Variants in CBFA2T2 observed in about 807,000 individuals in gnomAD.
The protein encoded by CBFA2T2 is CBFA2/RUNX1 partner transcriptional co-repressor 2, also known as protein CBFA2T2.
In CBFA2T2, 11 loss-of-function variants were observed where a neutral mutation model predicts 62.2. The ratio of observed to expected loss-of-function variants is 0.18; its 90% confidence interval spans 0.11 to 0.29. CBFA2T2 has a LOEUF of 0.29. Among genes scored for constraint, CBFA2T2 ranks in the 10% least tolerant of loss-of-function variants. The probability of loss-of-function intolerance (pLI) is 1.00; values close to 1 mark genes in which losing one functional copy is unlikely to be tolerated. For synonymous variants in CBFA2T2, 295 were observed against 287.5 expected (o/e 1.03, Z -0.27); for missense variants, 592 against 774.1 (o/e 0.76, Z 2.79).
intron 10 of CBFA2T2, among the ~76,000 whole-genome samples, chr20:33,642,115 TTTG>T (rs1483858836): frequency 1.1e-3 from 42 of 36,618 alleles, no homozygotes; most frequent in East Asian, 2.3e-3. Flanking sequence ...CTTTTTTTTT[TTTG>T]TGTGTGTGTG....
intron 1 of CBFA2T2, among the ~76,000 whole-genome samples, chr20:33,599,234 C>G (rs1424927238): frequency 6.6e-6 from 1 of 151,340 alleles, no homozygotes. Context: ...TGCAATACAG[C>G]CTGGGCGACA....
At chr20:33,573,426 A>G (rs1412224547) in intron 1 of CBFA2T2, among the ~76,000 whole-genome samples, 1 of 152,088 alleles carries the variant, frequency 6.6e-6, no homozygotes, top group Non-Finnish European at 1.5e-5. Context: ...GTAAGTGTTC[A>G]GTACTGTATG....
At chr20:33,564,282 G>A (rs949051202) in intron 1 of CBFA2T2, among the ~76,000 whole-genome samples, 6 of 142,362 alleles carry the variant, frequency 4.2e-5, no homozygotes, top group South Asian at 2.2e-4. Context: ...TTTTTTTTCC[G>A]AGATGGAGTC....
chr20:33,635,683 CCTGAGATAGTGAAACCCTGT>C (rs1355416269), intron 8 of CBFA2T2, among the ~76,000 whole-genome samples: 1 of 152,020 alleles, frequency 6.6e-6, no homozygotes, highest in East Asian at 1.9e-4. Context: ...GTCTGGAAAC[CCTGAGATAGTGAAACCCTGT>C]CTGTGCAAAA....
At chr20:33,523,697 T>G (rs1443884235) in intron 1 of CBFA2T2, among the ~76,000 whole-genome samples, 1 of 151,934 alleles carries the variant, frequency 6.6e-6, no homozygotes, top group East Asian at 1.9e-4. Context: ...TTTGTTTTCT[T>G]TTTTTCCCAG....
intron 1 of CBFA2T2, among the ~76,000 whole-genome samples, chr20:33,535,178 A>C (rs1174861538): frequency 6.6e-6 from 1 of 152,256 alleles, no homozygotes; most frequent in Non-Finnish European, 1.5e-5. Flanking sequence ...CTTTCTGAGA[A>C]TCTTGTCTAC....
intron 1 of CBFA2T2, among the ~76,000 whole-genome samples, chr20:33,500,487 A>G (rs1338216490): frequency 2.6e-5 from 4 of 151,918 alleles, no homozygotes; most frequent in Admixed American, 2.0e-4. Flanking sequence ...AGGCTGATGG[A>G]TCAGCTGAGG....
At chr20:33,516,753 T>C (rs1264301577) in intron 1 of CBFA2T2, among the ~76,000 whole-genome samples, 2 of 152,252 alleles carry the variant, frequency 1.3e-5, no homozygotes, top group African/African-American at 2.4e-5. Flanking sequence ...TATACACATC[T>C]GTAATACTCA....
At chr20:33,613,953 G>A (rs144712379) in intron 3 of CBFA2T2, among the ~76,000 whole-genome samples, 2 of 151,912 alleles carry the variant, frequency 1.3e-5, no homozygotes, top group South Asian at 2.1e-4. Context: ...ATTCATTTGC[G>A]GCGGGCGGAT....
chr20:33,513,816 G>GAAAA (rs11481160), intron 1 of CBFA2T2, among the ~76,000 whole-genome samples: 7 of 111,422 alleles, frequency 6.3e-5, no homozygotes, highest in Non-Finnish European at 1.2e-4. Context: ...TCTGTCCCAG[G>GAAAA]AAAAAAAAAA....
chr20:33,633,370 C>CA (rs200773570), intron 8 of CBFA2T2, among the ~76,000 whole-genome samples: 16 of 116,440 alleles, frequency 1.4e-4, no homozygotes, highest in South Asian at 2.8e-4. Context: ...GACTCTGTCG[C>CA]AAAAAAAAAA....
chr20:33,561,213 T>C (rs2013078387), intron 1 of CBFA2T2, among the ~76,000 whole-genome samples: 1 of 152,120 alleles, frequency 6.6e-6, no homozygotes, highest in African/African-American at 2.4e-5. Flanking sequence ...GGGGTCTCAC[T>C]GTGTTGCCCA....
At chr20:33,580,401 G>A (rs1216871106) in intron 1 of CBFA2T2, among the ~76,000 whole-genome samples, 3 of 152,206 alleles carry the variant, frequency 2.0e-5, no homozygotes, top group African/African-American at 7.2e-5. Context: ...TGGTGATCAA[G>A]ATGAACGTGG....
chr20:33,606,669 T>C (rs1488778675), intron 1 of CBFA2T2, among the ~76,000 whole-genome samples: 1 of 152,130 alleles, frequency 6.6e-6, no homozygotes, highest in African/African-American at 2.4e-5. Context: ...GTCTCATCCC[T>C]TCTTTAAGGA....
chr20:33,602,827 C>T (rs1165652615), intron 1 of CBFA2T2, among the ~76,000 whole-genome samples: 3 of 152,112 alleles, frequency 2.0e-5, no homozygotes, highest in African/African-American at 7.2e-5. Context: ...TCCGAATTGC[C>T]AGCATCACTC....
chr20:33,493,300 G>A (rs1398192395), intron 1 of CBFA2T2, among the ~76,000 whole-genome samples: 1 of 148,732 alleles, frequency 6.7e-6, no homozygotes, highest in East Asian at 2.0e-4. Flanking sequence ...GGTCTCGAAC[G>A]CCTGACCGCA....
At chr20:33,621,113 ATAGT>A (rs2015945440) in intron 4 of CBFA2T2, among the ~76,000 whole-genome samples, 1 of 152,070 alleles carries the variant, frequency 6.6e-6, no homozygotes, top group Non-Finnish European at 1.5e-5. Context: ...AGAATACAAG[ATAGT>A]TATTCTATCT....
chr20:33,592,058 A>G (rs943686310), intron 1 of CBFA2T2, among the ~76,000 whole-genome samples: 1 of 152,024 alleles, frequency 6.6e-6, no homozygotes, highest in Non-Finnish European at 1.5e-5. Context: ...GTGTTAGTTG[A>G]TGAACATGAA....
chr20:33,547,377 C>T (rs1431211179), intron 1 of CBFA2T2, among the ~76,000 whole-genome samples: 2 of 151,876 alleles, frequency 1.3e-5, no homozygotes, highest in African/African-American at 4.8e-5. Context: ...CTGGGTAACA[C>T]ATCTCTGAGA....
Sources: allele counts gnomAD v4.1 joint callset (sites outside exome capture counted in the v4.1 genomes callset), GRCh38; gene constraint gnomAD v4.1.1; transcripts MANE v1.5; gene names NCBI Gene and HGNC (gene_info 2026-07-23, HGNC 2026-07-21).